LIMCH1: variants seen among roughly 807,000 people sequenced by gnomAD.
LIMCH1 encodes the protein LIM and calponin homology domains-containing protein 1.
LIMCH1 carries 113 observed loss-of-function variants against 176.5 expected under a neutral mutation model. The ratio of observed to expected loss-of-function variants is 0.64; its 90% CI spans 0.55 to 0.75. The LOEUF (loss-of-function observed/expected upper bound fraction) is 0.75. LIMCH1 is among the 30% of genes least tolerant of loss of function. The probability of loss-of-function intolerance (pLI) is 0.00; values close to 1 mark genes in which losing one functional copy is unlikely to be tolerated. For missense variants in LIMCH1, 1,674 were observed against 1,814.9 expected (o/e 0.92, Z 1.41); for synonymous variants, 619 against 645.9 (o/e 0.96, Z 0.63).
At chr4:41,591,076 A>G (rs1470404485) in intron 1 of LIMCH1, among the ~76,000 whole-genome samples, 1 of 152,256 alleles carries the variant, frequency 6.6e-6, no homozygotes, top group African/African-American at 2.4e-5. Context: ...CAAGTCTTAT[A>G]GGTAGAATAG....
chr4:41,368,487 G>T lies in LIMCH1; in HGVS notation c.96+7551G>T, dbSNP rs573762091. 5.9e-5 allele frequency among the ~76,000 whole-genome samples: 9 copies of T among 152,190 alleles called. No individual in the cohort carries two copies. The South Asian group carries it at 1.9e-3, about 32-fold the overall frequency. On this transcript the variant is annotated intron_variant, in intron 1 of 26. Coordinates refer to the LIMCH1 transcript ENST00000313860. ...TGAAGACAAAGAATGGGGCAGGGGG[G>T]ATTAAGAGAAAAGCACTCTTTAAAA... is the stretch of plus-strand genomic sequence containing the variant.
chr4:41,644,718 G>A lies in LIMCH1; in HGVS notation c.2253+92G>A, dbSNP rs1208813224. 28 of 1,471,510 alleles carry A rather than the reference G, an allele frequency of 1.9e-5. 1 individual carries two copies. In the African/African-American group the frequency reaches 2.8e-4, roughly 15 times the overall value. 91.2% of individuals were successfully genotyped at this position (1,471,510 alleles called of 1,614,324 possible). On this transcript the variant is annotated intron_variant, in intron 15 of 31. Transcript: ENST00000503057. Reference sequence around the variant, plus strand: ...GTAGACGTGGACTTGAAAGCCATGCGGGGAAAGGGAGCCCCTAGAGGGTTT... The same window carrying A: ...GTAGACGTGGACTTGAAAGCCATGCAGGGAAAGGGAGCCCCTAGAGGGTTT...
At chr4:41,480,168 T>C (rs9994361) in intron 1 of LIMCH1, among the ~76,000 whole-genome samples, 60,226 of 152,030 alleles carry the variant, frequency 0.4, 14,802 homozygotes, top group African/African-American at 0.69. Context: ...TAACCATCTT[T>C]TAAAGGAAGC....
At chr4:41,546,551 T>G (rs954513147) in intron 1 of LIMCH1, among the ~76,000 whole-genome samples, 1 of 152,104 alleles carries the variant, frequency 6.6e-6, no homozygotes, top group Non-Finnish European at 1.5e-5. Context: ...AACTTTCTTC[T>G]TTTTTATTCT....
At chr4:41,477,749 C>G (rs1041346062) in intron 1 of LIMCH1, among the ~76,000 whole-genome samples, 14 of 152,126 alleles carry the variant, frequency 9.2e-5, no homozygotes, top group Non-Finnish European at 1.6e-4. Context: ...GGGTGAGGGG[C>G]ACTGCGGTCA....
At chr4:41,610,926 C>T (rs1159975013) in intron 4 of LIMCH1, among the ~76,000 whole-genome samples, 3 of 152,112 alleles carry the variant, frequency 2.0e-5, no homozygotes, top group Admixed American at 6.5e-5. Context: ...ATCTGAAATC[C>T]GAAATGCTCC....
chr4:41,671,073 AG>A (rs2095004152), intron 21 of LIMCH1: 7 of 726,938 alleles, frequency 9.6e-6, no homozygotes, highest in South Asian at 6.2e-5. Context: ...AAAAAAAAAA[AG>A]ATTAAAAGCA....
intron 1 of LIMCH1, among the ~76,000 whole-genome samples, chr4:41,372,120 G>A (rs1334672359): frequency 6.6e-6 from 1 of 152,132 alleles, no homozygotes; most frequent in African/African-American, 2.4e-5. Context: ...GCTTTTCCCA[G>A]ATCTTTCTGC....
At position 41,603,900 on chromosome 4, in the gene LIMCH1, A is replaced by G; in HGVS notation, c.-108A>G. 6.2e-7 allele frequency: 1 copy of G among 1,608,122 alleles called. No homozygotes were observed. Among genetic ancestry groups the G allele is most frequent in the Non-Finnish European group, 8.5e-7 (1 of 1,175,270 alleles). On this transcript the variant is annotated 5_prime_UTR_variant, in exon 3 of 32. Transcript: ENST00000503057. ...GAGCCTTGATTATAGTAGGAAGCTGAAAAATGTAAGTGTTTTAACTTCCAA... is the reference window on the plus strand; with the variant it reads ...GAGCCTTGATTATAGTAGGAAGCTGGAAAATGTAAGTGTTTTAACTTCCAA...
chr4:41,685,528 T>C (rs1379138331), intron 27 of LIMCH1, among the ~76,000 whole-genome samples, 182 bp from the exon 28 acceptor site: 1 of 152,206 alleles, frequency 6.6e-6, no homozygotes, highest in Admixed American at 6.5e-5. Context: ...TGACCTCCTT[T>C]GTTTCCAAAA....
intron 1 of LIMCH1, among the ~76,000 whole-genome samples, chr4:41,587,668 C>T (rs1355520743): frequency 1.3e-5 from 2 of 151,634 alleles, no homozygotes; most frequent in Non-Finnish European, 2.9e-5. Context: ...CCAATATATG[C>T]CTATTTACAT....
chr4:41,470,189 A>G (rs1025380932), intron 1 of LIMCH1, among the ~76,000 whole-genome samples: 3 of 152,152 alleles, frequency 2.0e-5, no homozygotes, highest in African/African-American at 7.2e-5. Flanking sequence ...CAAACCTCCA[A>G]CACCATTCTT....
chr4:41,446,423 A>G (rs2154144408), intron 1 of LIMCH1, among the ~76,000 whole-genome samples: 1 of 152,342 alleles, frequency 6.6e-6, no homozygotes, highest in Non-Finnish European at 1.5e-5. Context: ...TCAGAGATTC[A>G]CAAATATACG....
chr4:41,375,564 A>C (rs1307154973), intron 1 of LIMCH1, among the ~76,000 whole-genome samples: 1 of 152,196 alleles, frequency 6.6e-6, no homozygotes, highest in African/African-American at 2.4e-5. Flanking sequence ...ATTTAATTTC[A>C]TATTTCTCAG....
At chr4:41,392,471 G>A (rs2057350630) in intron 1 of LIMCH1, among the ~76,000 whole-genome samples, 1 of 152,264 alleles carries the variant, frequency 6.6e-6, no homozygotes, top group East Asian at 1.9e-4. Context: ...GTGTGCAAAG[G>A]CCCTGAGACA....
chr4:41,666,769 C>T, intron 21 of LIMCH1, 103 bp downstream of exon 21: 1 of 759,854 alleles, frequency 1.3e-6, no homozygotes, highest in Non-Finnish European at 2.2e-6. Context: ...GTTGCTATTC[C>T]TTTAGCCAGG....
At chr4:41,581,763 G>A (rs796178315) in intron 1 of LIMCH1, among the ~76,000 whole-genome samples, 37 of 135,176 alleles carry the variant, frequency 2.7e-4, no homozygotes, top group African/African-American at 9.0e-4. Context: ...CCGAGATCGC[G>A]CCACTGCACT....
At position 41,662,914 on chromosome 4, in the gene LIMCH1, C is replaced by T. The variant is rs375067265; in HGVS notation, c.3221C>T (p.Ser1074Leu). 16 of 1,613,538 alleles carry T rather than the reference C, an allele frequency of 9.9e-6. No individual in the cohort carries two copies. The highest frequency in any genetic ancestry group is 1.3e-5 in the African/African-American group (1 of 74,784). The change falls in exon 20 of 32, where the codon TCG (serine) becomes TTG (leucine). Residue 1074 changes from serine (S) to leucine (L), a missense_variant. Ser to Leu is a moderately radical substitution (Grantham distance 145, BLOSUM62 -2). Around this residue, in one of 3 missense-constraint regions of LIMCH1, gnomAD observed 1,015 missense variants for 1,102.5 expected, o/e 0.92. Transcript: ENST00000503057. The part of the protein sequence containing the change: ...PSSPQLKNDV[S>L]EEKDQKKPEN... ...AGCCCCCAGCTGAAGAATGATGTGTCGGAAGAAAAAGACCAGAAGAAACCA... is the reference window on the plus strand; with the variant it reads ...AGCCCCCAGCTGAAGAATGATGTGTTGGAAGAAAAAGACCAGAAGAAACCA...
At chr4:41,378,812 A>T (rs755844217) in intron 1 of LIMCH1, among the ~76,000 whole-genome samples, 2 of 152,120 alleles carry the variant, frequency 1.3e-5, no homozygotes, top group Admixed American at 1.3e-4. Flanking sequence ...TTGTAGTAGG[A>T]TTTGTTTTGT....
Sources: gnomAD v4.1 joint callset for allele counts (sites outside exome capture counted in the v4.1 genomes callset) on GRCh38, gnomAD v4.1.1 for gene constraint, gnomAD v4.1.1 regional missense constraint, MANE v1.5 for transcripts, NCBI Gene and HGNC (gene_info 2026-07-23, HGNC 2026-07-21) for gene names.